The following UBAC2 variants were observed in gnomAD, a reference collection of about 807,000 sequenced individuals.
UBAC2 encodes ubiquitin-associated domain-containing protein 2.
Under a neutral mutation model 44.0 loss-of-function variants are expected in UBAC2, and 26 were observed. The observed-to-expected ratio is 0.59, with a 90% CI of 0.43 to 0.82. UBAC2 has a LOEUF of 0.82. Among genes scored for constraint, UBAC2 ranks in the 40% least tolerant of loss-of-function variants. UBAC2 has a pLI of 0.00. For missense variants in UBAC2, 329 were observed against 419.4 expected (o/e 0.78, Z 1.88); for synonymous variants, 155 against 154.3 (o/e 1.00, Z -0.04).
chr13:99,272,114 C>T (rs9513587), intron 4 of UBAC2, among the ~76,000 whole-genome samples: 68,874 of 152,008 alleles, frequency 0.45, 18,095 homozygotes, highest in Non-Finnish European at 0.6. Flanking sequence ...AGTCCCAGCT[C>T]TCTTTCCTTG....
intron 1 of UBAC2, among the ~76,000 whole-genome samples, chr13:99,233,729 A>G (rs1463140114): frequency 6.6e-6 from 1 of 152,210 alleles, no homozygotes. Flanking sequence ...AGAAATAGAA[A>G]AGTAATGACA....
In UBAC2 at chr13:99,232,317, A is replaced by T. The variant is rs187392787; in HGVS notation, c.32-6110A>T. Among the ~76,000 whole-genome samples the T allele has an allele frequency of 1.6e-4, 24 of 151,106 alleles. 1 individual carries two copies. In the East Asian group the frequency reaches 1.8e-3, roughly 11 times the overall value. ...TATTGAATGTAAACAGAAATAAACA[A>T]ATCTCTGTGTTATAACCACTAGGGA... On this transcript the variant is annotated intron_variant, in intron 1 of 8. Coordinates refer to ENST00000403766, the MANE Select transcript of UBAC2 (RefSeq NM_001144072.2).
intron 7 of UBAC2, chr13:99,356,166 G>C (rs1160307971): frequency 1.9e-6 from 1 of 534,580 alleles, no homozygotes; most frequent in Non-Finnish European, 3.8e-6. Flanking sequence ...GGGGCTGTTG[G>C]GTTGCATCCT....
intron 7 of UBAC2, among the ~76,000 whole-genome samples, chr13:99,343,960 C>T (rs975178672): frequency 2.0e-5 from 3 of 152,186 alleles, no homozygotes; most frequent in Non-Finnish European, 4.4e-5. Flanking sequence ...TATGGTAGGC[C>T]TAGAGCTGGA....
chr13:99,311,918 A>T (rs1431625797), intron 4 of UBAC2, among the ~76,000 whole-genome samples: 2 of 152,244 alleles, frequency 1.3e-5, no homozygotes, highest in African/African-American at 4.8e-5. Context: ...TGTGCCGTGC[A>T]CCTCCGTCTG....
In UBAC2 at chr13:99,247,245, C is replaced by T. The variant is rs368836074; in HGVS notation, c.389+2621C>T. ...TTTTGTTTTTCTTGAGACGGAGTCT[C>T]GCTCTGTCGCCCAGGCTGGAGTGCA... On this transcript the variant is annotated intron_variant, in intron 4 of 8. Transcript: ENST00000403766. Among the ~76,000 whole-genome samples the T allele has an allele frequency of 1.3e-3, 200 of 150,932 alleles. 2 individuals are homozygous for T. Among genetic ancestry groups the T allele is most frequent in the African/African-American group, 4.7e-3 (195 of 41,062 alleles).
intron 8 of UBAC2, among the ~76,000 whole-genome samples, chr13:99,379,439 A>T (rs562348605): frequency 6.6e-6 from 1 of 152,248 alleles, no homozygotes; most frequent in Non-Finnish European, 1.5e-5. Context: ...ACATTAAAAA[A>T]TTTGGTTTCA....
intron 8 of UBAC2, among the ~76,000 whole-genome samples, chr13:99,373,103 A>G (rs2045430175): frequency 6.6e-6 from 1 of 152,062 alleles, no homozygotes. Flanking sequence ...CCTGGGTGAC[A>G]GAGCAAGACT....
In UBAC2 at chr13:99,235,743, G is replaced by C. The variant is rs150217744; in HGVS notation, c.32-2684G>C. Among the ~76,000 whole-genome samples, 1,017 of 152,288 alleles carry C rather than the reference G, an allele frequency of 6.7e-3. 12 individuals are homozygous for C. Among genetic ancestry groups the C allele is most frequent in the Middle Eastern group, 0.027 (8 of 294 alleles). On this transcript the variant is annotated intron_variant, in intron 1 of 8. Transcript: ENST00000403766. Reference sequence around the variant, plus strand: ...TCATCCTAACCCTTTGGGAGGCTGAGGCGAGAGGATCACTTGAGGCTAGGA... The same window carrying C: ...TCATCCTAACCCTTTGGGAGGCTGACGCGAGAGGATCACTTGAGGCTAGGA...
intron 1 of UBAC2, among the ~76,000 whole-genome samples, chr13:99,222,098 G>A (rs1419161483): frequency 1.3e-5 from 2 of 152,202 alleles, no homozygotes; most frequent in Non-Finnish European, 2.9e-5. Context: ...GCTAAGTGGT[G>A]GCATTCTGGC....
At chr13:99,203,808 A>G (rs1566444490) in intron 1 of UBAC2, among the ~76,000 whole-genome samples, 1 of 152,222 alleles carries the variant, frequency 6.6e-6, no homozygotes, top group East Asian at 1.9e-4. Context: ...TGAGGCTCAG[A>G]TGGTGTGAAG....
At chr13:99,335,505 G>A (rs1335844720) in intron 6 of UBAC2, among the ~76,000 whole-genome samples, 1 of 151,764 alleles carries the variant, frequency 6.6e-6, no homozygotes, top group Non-Finnish European at 1.5e-5. Context: ...ACTGCTTTCT[G>A]TGATTCTGTA....
intron 7 of UBAC2, among the ~76,000 whole-genome samples, chr13:99,354,711 A>T (rs1179740005): frequency 6.6e-6 from 1 of 152,162 alleles, no homozygotes; most frequent in African/African-American, 2.4e-5. Context: ...GCAAAACAGG[A>T]CAGACTCAGA....
intron 1 of UBAC2, chr13:99,215,673 G>A: frequency 6.8e-7 from 1 of 1,478,846 alleles, no homozygotes; most frequent in Non-Finnish European, 9.2e-7. Context: ...ACAGCCCTCT[G>A]GGAACTGCAA....
At chr13:99,254,989 G>T (rs763554698) in intron 4 of UBAC2, 1 of 1,614,090 alleles carries the variant, frequency 6.2e-7, no homozygotes, top group African/African-American at 1.3e-5. Context: ...AATGACTCGA[G>T]CCTGAAATTG....
At chr13:99,301,058 A>G (rs2044250462) in intron 4 of UBAC2, among the ~76,000 whole-genome samples, 1 of 152,240 alleles carries the variant, frequency 6.6e-6, no homozygotes, top group Non-Finnish European at 1.5e-5. Context: ...GCCCAAAGAA[A>G]TGTTAGTTCT....
At chr13:99,351,848 T>A (rs2045095716) in intron 7 of UBAC2, 1 of 445,562 alleles carries the variant, frequency 2.2e-6, no homozygotes, top group South Asian at 1.6e-5. Context: ...CTGCCCGGTG[T>A]TAACTGGTTG....
At chr13:99,385,121 TA>T (rs1477067793) in intron 8 of UBAC2, 106 bp from the exon 9 acceptor site, 6 of 801,718 alleles carry the variant, frequency 7.5e-6, no homozygotes, top group Non-Finnish European at 1.2e-5. Context: ...GGTTTTTTTG[TA>T]AACAGTTTTG....
At chr13:99,342,745 C>T (rs2044911190) in intron 7 of UBAC2, among the ~76,000 whole-genome samples, 1 of 152,152 alleles carries the variant, frequency 6.6e-6, no homozygotes, top group African/African-American at 2.4e-5. Context: ...CCTCCTTGTT[C>T]CCTCCCTTCC....
Sources: gnomAD v4.1 joint callset for allele counts (sites outside exome capture counted in the v4.1 genomes callset) on GRCh38, gnomAD v4.1.1 for gene constraint, MANE v1.5 for transcripts, NCBI Gene and HGNC (gene_info 2026-07-23, HGNC 2026-07-21) for gene names.